Variants in SDK1 observed in about 807,000 individuals in gnomAD.
SDK1 encodes sidekick cell adhesion molecule 1.
SDK1 carries 157 observed loss-of-function variants against 245.5 expected under a neutral mutation model. That is an observed-to-expected ratio of 0.64 (90% CI 0.56 to 0.73). SDK1 has a LOEUF of 0.73. Among genes scored for constraint, SDK1 ranks in the 30% least tolerant of loss-of-function variants. The pLI, the probability that SDK1 is intolerant of heterozygous loss-of-function variation, is 0.00. For synonymous variants in SDK1, 1,647 were observed against 1,278.5 expected (o/e 1.29, Z -6.15); for missense variants, 3,583 against 3,002.3 (o/e 1.19, Z -4.52).
intron 40 of SDK1, chr7:4,232,867 G>A (rs1785886131): frequency 6.3e-6 from 1 of 158,586 alleles, no homozygotes; most frequent in Non-Finnish European, 1.4e-5. Context: ...TCCTCTCTAT[G>A]TCTGATTTTA....
At chr7:4,125,909 G>T (rs145543281) in intron 25 of SDK1, among the ~76,000 whole-genome samples, 121 of 152,306 alleles carry the variant, frequency 7.9e-4, no homozygotes, top group African/African-American at 2.6e-3. Context: ...GGTGATCAGA[G>T]CAGCATCTCC....
intron 1 of SDK1, among the ~76,000 whole-genome samples, chr7:3,470,786 T>C (rs1362846882): frequency 6.6e-6 from 1 of 152,174 alleles, no homozygotes; most frequent in East Asian, 1.9e-4. Context: ...AGAGAATGGC[T>C]TAGGCTTATG....
At chr7:3,596,538 C>T (rs909907905) in intron 1 of SDK1, among the ~76,000 whole-genome samples, 3 of 152,174 alleles carry the variant, frequency 2.0e-5, no homozygotes, top group African/African-American at 7.2e-5. Context: ...AACGCATGGA[C>T]TTTGTGACCA....
chr7:3,689,274 C>T (rs1280853951), intron 4 of SDK1, among the ~76,000 whole-genome samples: 1 of 152,196 alleles, frequency 6.6e-6, no homozygotes, highest in African/African-American at 2.4e-5. Flanking sequence ...TTCACCTCTC[C>T]CACAAAGATG....
At chr7:4,106,722 C>G (rs1782942377) in intron 22 of SDK1, among the ~76,000 whole-genome samples, 1 of 152,148 alleles carries the variant, frequency 6.6e-6, no homozygotes, top group Non-Finnish European at 1.5e-5. Flanking sequence ...CTCTCCTGCT[C>G]TCTCAACGCG....
rs771990440 is a variant in SDK1 at position 3,446,420 on chromosome 7, C to G, written c.298+144536C>G. Among the ~76,000 whole-genome samples the G allele has an allele frequency of 4.6e-5, 7 of 152,178 alleles. 1 individual carries two copies. The highest frequency in any genetic ancestry group is 4.1e-4 in the South Asian group (2 of 4,824). ...ACAATTGCGGAAAGTTGGAGACAATCTTATAGTTGATAAGTTTTCTACCAG... is the reference window on the plus strand; with the variant it reads ...ACAATTGCGGAAAGTTGGAGACAATGTTATAGTTGATAAGTTTTCTACCAG... On this transcript the variant is annotated intron_variant, in intron 1 of 44. Coordinates refer to ENST00000404826, the MANE Select transcript of SDK1 (RefSeq NM_152744.4).
chr7:3,829,000 T>C (rs1011938548), intron 5 of SDK1, among the ~76,000 whole-genome samples: 7 of 152,196 alleles, frequency 4.6e-5, no homozygotes, highest in African/African-American at 1.7e-4. Flanking sequence ...GGCTGTGATA[T>C]GATTAATACA....
At chr7:3,619,267 C>A in intron 2 of SDK1, 28 bp downstream of exon 2, 1 of 1,583,700 alleles carries the variant, frequency 6.3e-7, no homozygotes, top group Non-Finnish European at 8.7e-7. Flanking sequence ...AAAATAAGAT[C>A]CCATTTCAGT....
intron 4 of SDK1, among the ~76,000 whole-genome samples, chr7:3,664,525 G>C (rs1005221596): frequency 1.3e-4 from 20 of 152,096 alleles, no homozygotes; most frequent in Admixed American, 6.5e-5. Flanking sequence ...GATCACTTGA[G>C]GTTAGGAGAT....
At chr7:3,555,564 T>G (rs756673762) in intron 1 of SDK1, among the ~76,000 whole-genome samples, 3 of 151,956 alleles carry the variant, frequency 2.0e-5, no homozygotes, top group African/African-American at 7.3e-5. Context: ...AAAGCAAAAA[T>G]GGACAAATGA....
intron 1 of SDK1, among the ~76,000 whole-genome samples, chr7:3,611,282 C>G (rs77327407): frequency 0.022 from 3,360 of 152,228 alleles, 132 homozygotes; most frequent in African/African-American, 0.076. Flanking sequence ...ATAGAGCCAA[C>G]TCTTTTCACT....
intron 5 of SDK1, among the ~76,000 whole-genome samples, chr7:3,913,372 C>T (rs1374998103): frequency 6.6e-6 from 1 of 151,106 alleles, no homozygotes; most frequent in Admixed American, 6.6e-5. Flanking sequence ...CGGCTCACTG[C>T]AACCTCCGCC....
Position 3,776,374 on chromosome 7 carries a change from C to G in SDK1, c.714-45076C>G, listed in dbSNP as rs537903125. ...CCCAGTTGCACGGTGAAAATCTATT[C>G]TGTCAGATTTGTGTTTTGATCACTT... On this transcript the variant is annotated intron_variant, in intron 4 of 44. Transcript: ENST00000404826. 2.0e-5 allele frequency among the ~76,000 whole-genome samples: 3 copies of G among 152,300 alleles called. No individual in the cohort carries two copies. The South Asian group carries it at 6.2e-4, about 32-fold the overall frequency.
intron 4 of SDK1, among the ~76,000 whole-genome samples, chr7:3,771,695 A>G (rs575011834): frequency 4.6e-5 from 7 of 152,166 alleles, no homozygotes; most frequent in African/African-American, 1.4e-4. Flanking sequence ...GCATTTTTCA[A>G]ATGTCCTTTT....
intron 10 of SDK1, among the ~76,000 whole-genome samples, chr7:3,968,109 C>T (rs1004599910): frequency 4.6e-5 from 7 of 152,268 alleles, no homozygotes; most frequent in African/African-American, 1.7e-4. Flanking sequence ...ACTTTTCCCA[C>T]TGTTAAGTGG....
chr7:3,882,918 T>C (rs1015467114), intron 5 of SDK1, among the ~76,000 whole-genome samples: 15 of 152,180 alleles, frequency 9.9e-5, no homozygotes, highest in African/African-American at 3.6e-4. Flanking sequence ...TGTTCTGGCT[T>C]TTTTCCCCTT....
chr7:3,477,516 CTTTTTTTTT>C (rs575753517), intron 1 of SDK1, among the ~76,000 whole-genome samples: 1 of 134,510 alleles, frequency 7.4e-6, no homozygotes, highest in African/African-American at 2.7e-5. Context: ...TTTCTTTTTT[CTTTTTTTTT>C]TTTTAAGAGA....
At chr7:3,783,495 GA>G (rs1355597273) in intron 4 of SDK1, among the ~76,000 whole-genome samples, 1 of 151,474 alleles carries the variant, frequency 6.6e-6, no homozygotes, top group Non-Finnish European at 1.5e-5. Flanking sequence ...AACCCTGTTG[GA>G]ACTAATAAAC....
chr7:3,712,947 G>A (rs935456842), intron 4 of SDK1, among the ~76,000 whole-genome samples: 3 of 152,224 alleles, frequency 2.0e-5, no homozygotes, highest in African/African-American at 7.2e-5. Flanking sequence ...GAAAGCTTCT[G>A]TGAGCTGCAA....
Sources: gnomAD v4.1 joint callset for allele counts (sites outside exome capture counted in the v4.1 genomes callset) on GRCh38, gnomAD v4.1.1 for gene constraint, MANE v1.5 for transcripts, NCBI Gene and HGNC (gene_info 2026-07-23, HGNC 2026-07-21) for gene names.